The following NRG3 variants were observed in gnomAD, a reference collection of about 807,000 sequenced individuals.
The protein encoded by NRG3 is pro-neuregulin-3, membrane-bound isoform.
NRG3 carries 31 observed loss-of-function variants against 66.9 expected under a neutral mutation model. The observed-to-expected ratio is 0.46, with a 90% CI of 0.35 to 0.63. The LOEUF (loss-of-function observed/expected upper bound fraction) is 0.63. Among genes scored for constraint, NRG3 ranks in the 20% least tolerant of loss-of-function variants. The pLI is 0.00. For synonymous variants in NRG3, 393 were observed against 359.4 expected, an observed-to-expected ratio of 1.09 and a Z score of -1.06; for missense variants, 910 against 878.9, an observed-to-expected ratio of 1.04 and a Z score of -0.45.
At chr10:82,239,722 T>A (rs1297759198) in intron 1 of NRG3, among the ~76,000 whole-genome samples, 1 of 152,128 alleles carries the variant, frequency 6.6e-6, no homozygotes, top group Non-Finnish European at 1.5e-5. Context: ...ATAAAGATAT[T>A]TTCTCATGGT....
intron 1 of NRG3, among the ~76,000 whole-genome samples, chr10:82,198,384 C>G (rs1002317217): frequency 2.6e-5 from 4 of 152,140 alleles, no homozygotes; most frequent in Non-Finnish European, 4.4e-5. Flanking sequence ...AAGAGAATCA[C>G]ATTTATATTG....
At chr10:82,097,397 C>CACACACAA in intron 1 of NRG3, among the ~76,000 whole-genome samples, 1 of 143,172 alleles carries the variant, frequency 7.0e-6, no homozygotes, top group Non-Finnish European at 1.5e-5. Context: ...CACACACACA[C>CACACACAA]TCCCAGATAC....
chr10:82,788,158 T>G (rs2060445609), intron 3 of NRG3, among the ~76,000 whole-genome samples: 1 of 152,200 alleles, frequency 6.6e-6, no homozygotes, highest in Admixed American at 6.5e-5. Flanking sequence ...TGTTTACTTT[T>G]TTGAGAAGTA....
At chr10:82,596,878 C>A (rs1304844193) in intron 2 of NRG3, among the ~76,000 whole-genome samples, 2 of 152,140 alleles carry the variant, frequency 1.3e-5, no homozygotes, top group Non-Finnish European at 2.9e-5. Context: ...CCCATTGTTT[C>A]CAGGTCCCTT....
intron 1 of NRG3, among the ~76,000 whole-genome samples, chr10:82,246,917 C>T (rs1649931): frequency 0.01 from 1,578 of 152,212 alleles, 17 homozygotes; most frequent in South Asian, 0.051. Flanking sequence ...TCTGCCTTGG[C>T]TACATAAGAG....
At chr10:82,600,316 G>A (rs1483671894) in intron 2 of NRG3, among the ~76,000 whole-genome samples, 1 of 151,902 alleles carries the variant, frequency 6.6e-6, no homozygotes, top group Non-Finnish European at 1.5e-5. Flanking sequence ...ATATTAACAT[G>A]TATAAATTCT....
Position 82,257,982 on chromosome 10 carries a change from A to G in NRG3, c.824-100757A>G, listed in dbSNP as rs1047083994. On this transcript the variant is annotated intron_variant, in intron 1 of 8. Coordinates refer to ENST00000372141, the MANE Select transcript of NRG3 (RefSeq NM_001010848.4). The stretch of plus-strand genomic sequence containing the variant: ...CTCCTCCTTGGTGTCTGCATCTTGC[A>G]TAAGTCTCTGGCTAAACTCATCAAT... 3.3e-5 allele frequency among the ~76,000 whole-genome samples: 5 copies of G among 152,292 alleles called. No homozygotes were observed. In the East Asian group the frequency reaches 5.8e-4, roughly 18 times the overall value.
intron 2 of NRG3, among the ~76,000 whole-genome samples, chr10:82,560,181 A>T (rs1233371068): frequency 6.6e-6 from 1 of 151,738 alleles, no homozygotes; most frequent in African/African-American, 2.4e-5. Flanking sequence ...ATATTTCATG[A>T]TTTATTGTTA....
chr10:81,920,283 C>T (rs1305448229), intron 1 of NRG3, among the ~76,000 whole-genome samples: 2 of 152,154 alleles, frequency 1.3e-5, no homozygotes, highest in East Asian at 3.9e-4. Context: ...CAATGCTCCT[C>T]ACCCTTAGCA....
At chr10:82,656,308 CTTTTTTTT>C (rs3040205) in intron 2 of NRG3, among the ~76,000 whole-genome samples, 1 of 132,038 alleles carries the variant, frequency 7.6e-6, no homozygotes, top group Admixed American at 7.8e-5. Flanking sequence ...TTTCTTTTTT[CTTTTTTTT>C]TTTTTTTTGG....
chr10:82,278,450 A>T (rs985571527), intron 1 of NRG3, among the ~76,000 whole-genome samples: 6 of 152,018 alleles, frequency 3.9e-5, no homozygotes, highest in African/African-American at 1.4e-4. Context: ...CTGATTCCTG[A>T]TTACTCTCTC....
At chr10:82,977,426 T>C (rs1852383109) in intron 7 of NRG3, among the ~76,000 whole-genome samples, 2 of 151,924 alleles carry the variant, frequency 1.3e-5, no homozygotes, top group Admixed American at 6.6e-5. Flanking sequence ...CTGGCCAACA[T>C]GGTGAAACCT....
At chr10:82,346,771 A>G (rs1490972514) in intron 1 of NRG3, among the ~76,000 whole-genome samples, 2 of 151,932 alleles carry the variant, frequency 1.3e-5, no homozygotes, top group Admixed American at 6.6e-5. Context: ...CAGAGATTCA[A>G]TTTCTTCCTG....
At chr10:82,236,937 G>C (rs555771605) in intron 1 of NRG3, among the ~76,000 whole-genome samples, 3 of 151,944 alleles carry the variant, frequency 2.0e-5, no homozygotes, top group East Asian at 3.9e-4. Flanking sequence ...GGATGGTCTC[G>C]ATCTCCTGAC....
At chr10:82,273,131 A>G (rs1361653035) in intron 1 of NRG3, among the ~76,000 whole-genome samples, 1 of 151,878 alleles carries the variant, frequency 6.6e-6, no homozygotes, top group Non-Finnish European at 1.5e-5. Flanking sequence ...TTCTTTTATT[A>G]TATTTGCTGT....
At chr10:81,992,660 G>T (rs933485234) in intron 1 of NRG3, among the ~76,000 whole-genome samples, 6 of 152,004 alleles carry the variant, frequency 3.9e-5, no homozygotes, top group Non-Finnish European at 8.8e-5. Context: ...GACTCTCTTT[G>T]TCCTCTCCTT....
chr10:82,085,129 G>A lies in NRG3; in HGVS notation c.823+208966G>A, dbSNP rs145041484. 7.3e-4 allele frequency among the ~76,000 whole-genome samples: 111 copies of A among 152,244 alleles called. No homozygotes were observed. In the East Asian group the frequency reaches 7.4e-3, roughly 10 times the overall value. ...GTGGCCAAAACTCTCAGCTCTGAAC[G>A]TTGTTCCTTTGTCCTCCTCTCTACA... On this transcript the variant is annotated intron_variant, in intron 1 of 8. Transcript: ENST00000372141.
At chr10:82,365,870 A>T (rs913268790) in intron 2 of NRG3, among the ~76,000 whole-genome samples, 2 of 152,160 alleles carry the variant, frequency 1.3e-5, no homozygotes, top group Non-Finnish European at 2.9e-5. Context: ...TTAGCCAAAG[A>T]TTACCTTATT....
intron 2 of NRG3, among the ~76,000 whole-genome samples, chr10:82,595,505 G>A (rs1025643347): frequency 1.5e-4 from 23 of 152,136 alleles, no homozygotes; most frequent in Admixed American, 1.2e-3. Flanking sequence ...ATAGGTTGGG[G>A]CCAGGCGCGA....
Sources: gnomAD v4.1 joint callset for allele counts (sites outside exome capture counted in the v4.1 genomes callset) on GRCh38, gnomAD v4.1.1 for gene constraint, MANE v1.5 for transcripts, NCBI Gene and HGNC (gene_info 2026-07-23, HGNC 2026-07-21) for gene names.